Variants in ADAMTS9 observed in about 807,000 individuals in gnomAD.
ADAMTS9 encodes the protein A disintegrin and metalloproteinase with thrombospondin motifs 9.
Under a neutral mutation model 257.1 loss-of-function variants are expected in ADAMTS9, and 107 were observed. The observed-to-expected ratio is 0.42, with a 90% CI of 0.36 to 0.49. The LOEUF is 0.49. ADAMTS9 is among the 20% of genes least tolerant of loss of function. ADAMTS9 has a pLI of 0.03. For missense variants in ADAMTS9, 2,353 were observed against 2,469.1 expected (o/e 0.95, Z 1.00); for synonymous variants, 982 against 880.9 (o/e 1.11, Z -2.03).
At chr3:64,574,231 T>C (rs554435201) in intron 28 of ADAMTS9, among the ~76,000 whole-genome samples, 3 of 152,316 alleles carry the variant, frequency 2.0e-5, no homozygotes, top group Admixed American at 2.0e-4. Flanking sequence ...AAAATCATAC[T>C]AGCTACCTTT....
chr3:64,581,525 A>G (rs1414086447), intron 28 of ADAMTS9, among the ~76,000 whole-genome samples: 1 of 152,146 alleles, frequency 6.6e-6, no homozygotes, highest in East Asian at 1.9e-4. Flanking sequence ...GGGCTTCCCA[A>G]AGTGAGTCAC....
intron 28 of ADAMTS9, among the ~76,000 whole-genome samples, chr3:64,574,917 A>T (rs555840987): frequency 5.9e-5 from 9 of 152,326 alleles, no homozygotes; most frequent in African/African-American, 2.2e-4. Context: ...CCACGAAGAG[A>T]GTAGCTACGC....
At position 64,658,529 on chromosome 3, in the gene ADAMTS9, T is replaced by A. The variant is rs1701140795; in HGVS notation, c.942A>T (p.Gln314His). The A allele has an allele frequency of 1.9e-6, 3 of 1,613,364 alleles. No individual in the cohort carries two copies. In the Admixed American group the frequency reaches 5.0e-5, roughly 27 times the overall value. Reference protein sequence around the residue: ...RMVSYHGENLQHYILTLMSIV... With the variant: ...RMVSYHGENLHHYILTLMSIV... ...TTGACATTAAAGTTAAAATATAGTG[T>A]TGAAGGTTTTCTCCATGGTATGAAA... Residue 314 changes from glutamine to histidine, a missense_variant, in exon 4 of 40, where the codon CAA becomes CAT. By Grantham distance (24) the Gln-to-His change is conservative (BLOSUM62 0). Around this residue, in one of 3 missense-constraint regions of ADAMTS9, gnomAD observed 591 missense variants for 569.6 expected, o/e 1.04. Transcript: ENST00000498707.
chr3:64,634,747 T>C (rs564165969), intron 12 of ADAMTS9, among the ~76,000 whole-genome samples: 1 of 152,310 alleles, frequency 6.6e-6, no homozygotes, highest in East Asian at 1.9e-4. Context: ...GTTTCACAAC[T>C]GCCCTAGGAC....
chr3:64,572,155 C>G (rs189260751), intron 28 of ADAMTS9, among the ~76,000 whole-genome samples: 2 of 152,292 alleles, frequency 1.3e-5, no homozygotes, highest in East Asian at 3.9e-4. Flanking sequence ...GAGCAAGACT[C>G]CCAGACAATG....
At chr3:64,568,124 C>T (rs1014457509) in intron 29 of ADAMTS9, among the ~76,000 whole-genome samples, 1 of 152,130 alleles carries the variant, frequency 6.6e-6, no homozygotes, top group Non-Finnish European at 1.5e-5. Flanking sequence ...ATCCCTATTT[C>T]CACTTAGAAT....
chr3:64,654,820 T>C lies in ADAMTS9; in HGVS notation c.1170-208A>G, dbSNP rs1172455296. On this transcript the variant is annotated intron_variant, in intron 6 of 39. Coordinates refer to ENST00000498707, the MANE Select transcript of ADAMTS9 (RefSeq NM_182920.2). Reference sequence around the variant, plus strand: ...TTATAAACTACTACATTAAGAAGTTTTCTTCTGTGGTCAGGGCGGTCACAG... The same window carrying C: ...TTATAAACTACTACATTAAGAAGTTCTCTTCTGTGGTCAGGGCGGTCACAG... 5.1e-6 allele frequency: 3 copies of C among 584,546 alleles called. No individual in the cohort carries two copies. In the Admixed American group the frequency reaches 9.5e-5, roughly 18 times the overall value. 36.2% of individuals were successfully genotyped at this position (584,546 alleles called of 1,614,324 possible).
intron 11 of ADAMTS9, among the ~76,000 whole-genome samples, chr3:64,646,889 G>T (rs1294395262): frequency 6.6e-6 from 1 of 151,946 alleles, no homozygotes; most frequent in Non-Finnish European, 1.5e-5. Context: ...GAGTGACTGT[G>T]GACAAGTTAC....
At chr3:64,628,577 T>A (rs1341020360) in intron 16 of ADAMTS9, among the ~76,000 whole-genome samples, 3 of 151,188 alleles carry the variant, frequency 2.0e-5, no homozygotes, top group African/African-American at 7.4e-5. Context: ...GAGAAATGGA[T>A]TCCCCCCCCA....
At chr3:64,546,664 A>G in intron 32 of ADAMTS9, 94 bp downstream of exon 32, 2 of 1,307,068 alleles carry the variant, frequency 1.5e-6, no homozygotes, top group East Asian at 2.4e-5. Context: ...TCCTGGAAGT[A>G]GAGTTACTAA....
intron 3 of ADAMTS9, among the ~76,000 whole-genome samples, chr3:64,661,777 GA>G: frequency 6.6e-6 from 1 of 152,204 alleles, no homozygotes; most frequent in Non-Finnish European, 1.5e-5. Context: ...AATACATTAA[GA>G]AAGTATATCA....
intron 25 of ADAMTS9, 138 bp from the exon 26 acceptor site, chr3:64,602,351 C>A: frequency 1.1e-6 from 1 of 903,708 alleles, no homozygotes; most frequent in Non-Finnish European, 1.7e-6. Flanking sequence ...CCCTTGTCTC[C>A]TCTTTTTTTC....
chr3:64,596,538 T>C (rs1168104268), intron 27 of ADAMTS9, among the ~76,000 whole-genome samples: 1 of 152,152 alleles, frequency 6.6e-6, no homozygotes, highest in Admixed American at 6.5e-5. Flanking sequence ...ATATTTTCAA[T>C]CACTTTAAAA....
intron 3 of ADAMTS9, among the ~76,000 whole-genome samples, chr3:64,678,832 A>C (rs1361151878): frequency 1.3e-5 from 2 of 152,198 alleles, no homozygotes; most frequent in Non-Finnish European, 2.9e-5. Context: ...AATTCAAAGA[A>C]GGGGTGCAGA....
intron 16 of ADAMTS9, among the ~76,000 whole-genome samples, chr3:64,626,137 A>G (rs754951784): frequency 3.9e-5 from 6 of 152,236 alleles, no homozygotes; most frequent in Non-Finnish European, 8.8e-5. Context: ...AAGAATCCAT[A>G]TCAGCTTTAG....
At position 64,658,582 on chromosome 3, in the gene ADAMTS9, C is replaced by A; in HGVS notation, c.889G>T (p.Val297Phe). ...RFLSYPRFVE[V>F]LVVADNRMVS... is the part of the protein sequence containing the mutation. ...ATTCTGTTGTCTGCCACCACCAAGA[C>A]TTCTACAAACCGTGGATAGGATAAA... The change falls in exon 4 of 40, where the codon GTC becomes TTC. Residue 297 changes from valine to phenylalanine, a missense_variant. Transcript: ENST00000498707. The A allele has an allele frequency of 6.2e-7, 1 of 1,614,184 alleles. No homozygotes were observed. The highest frequency in any genetic ancestry group is 8.5e-7 in the Non-Finnish European group (1 of 1,180,018).
Position 64,516,917 on chromosome 3 carries a change from A to T in ADAMTS9, c.*210T>A, listed in dbSNP as rs2082782107. 6.6e-6 allele frequency: 1 copy of T among 152,612 alleles called. No homozygotes were observed. The highest frequency in any genetic ancestry group is 2.4e-5 in the African/African-American group (1 of 41,464). 9.5% of individuals were successfully genotyped at this position (152,612 alleles called of 1,614,324 possible). A position where few individuals can be genotyped will look rare whatever the true frequency, so the allele number is the denominator to read the frequency against. Reference sequence around the variant, plus strand: ...CATAAATATTAAACTTTACATCATTAGGATAGTCTACATATCTACATACAC... The same window carrying T: ...CATAAATATTAAACTTTACATCATTTGGATAGTCTACATATCTACATACAC... On this transcript the variant is annotated 3_prime_UTR_variant, in exon 40 of 40. Transcript: ENST00000498707.
intron 28 of ADAMTS9, among the ~76,000 whole-genome samples, chr3:64,569,958 C>T (rs542228532): frequency 4.0e-4 from 61 of 152,204 alleles, no homozygotes; most frequent in African/African-American, 1.2e-3. Flanking sequence ...AAAGACTTTG[C>T]GATATAATTC....
At chr3:64,541,677 G>T in intron 33 of ADAMTS9, 57 bp from the exon 34 acceptor site, 1 of 1,558,618 alleles carries the variant, frequency 6.4e-7, no homozygotes, top group African/African-American at 1.4e-5. Flanking sequence ...TGAATTATCT[G>T]CCTATAGAAT....
Sources: gnomAD v4.1 joint callset for allele counts (sites outside exome capture counted in the v4.1 genomes callset) on GRCh38, gnomAD v4.1.1 for gene constraint, gnomAD v4.1.1 regional missense constraint, MANE v1.5 for transcripts, NCBI Gene and HGNC (gene_info 2026-07-23, HGNC 2026-07-21) for gene names.